DPP6: variants seen among roughly 807,000 people sequenced by gnomAD.
DPP6 encodes the protein A-type potassium channel modulatory protein DPP6.
A neutral mutation model predicts 122.6 loss-of-function variants in DPP6; 69 were observed. That is an observed-to-expected ratio of 0.56 (90% confidence interval 0.46 to 0.69). DPP6 has a LOEUF of 0.69. Ranked by LOEUF, DPP6 falls within the 30% of genes least tolerant of loss-of-function variation. The probability of loss-of-function intolerance (pLI) is 0.00; values close to 1 mark genes in which losing one functional copy is unlikely to be tolerated. For missense variants in DPP6, 928 were observed against 1,116.9 expected, an observed-to-expected ratio of 0.83 and a Z score of 2.41; for synonymous variants, 418 against 433.1, an observed-to-expected ratio of 0.97 and a Z score of 0.43.
At chr7:153,928,686 G>T (rs1801036383) in intron 1 of DPP6, among the ~76,000 whole-genome samples, 1 of 151,956 alleles carries the variant, frequency 6.6e-6, no homozygotes, top group Admixed American at 6.5e-5. Context: ...ATCCTGGAAG[G>T]CCCCACCTTT....
At chr7:154,723,302 C>T (rs1256683362) in intron 7 of DPP6, among the ~76,000 whole-genome samples, 1 of 152,138 alleles carries the variant, frequency 6.6e-6, no homozygotes, top group African/African-American at 2.4e-5. Context: ...AAAATACACT[C>T]TTCTTTATAG....
chr7:154,576,310 G>A (rs1350528748), intron 5 of DPP6, among the ~76,000 whole-genome samples: 3 of 151,970 alleles, frequency 2.0e-5, no homozygotes, highest in African/African-American at 7.3e-5. Context: ...CCGAGGCCAC[G>A]AGACCTGACC....
At chr7:154,475,124 C>T (rs868045813) in intron 3 of DPP6, 87 bp downstream of exon 3, 7 of 990,224 alleles carry the variant, frequency 7.1e-6, no homozygotes, top group South Asian at 3.9e-5. Context: ...ATTTGCCTCT[C>T]GGATTTCCCC....
At chr7:154,012,062 T>G (rs1167001883) in intron 1 of DPP6, among the ~76,000 whole-genome samples, 1 of 152,218 alleles carries the variant, frequency 6.6e-6, no homozygotes, top group South Asian at 2.1e-4. Flanking sequence ...GTAGGTGTTA[T>G]CTCCATTTCA....
chr7:154,214,886 G>A (rs1436274988), intron 1 of DPP6, among the ~76,000 whole-genome samples: 1 of 152,322 alleles, frequency 6.6e-6, no homozygotes, highest in African/African-American at 2.4e-5. Context: ...CTGCTGCACT[G>A]TAGCCTGGGT....
chr7:154,021,594 C>A (rs1389787328), intron 1 of DPP6, among the ~76,000 whole-genome samples: 1 of 152,188 alleles, frequency 6.6e-6, no homozygotes, highest in African/African-American at 2.4e-5. Context: ...CAGTTATCCC[C>A]TGTGTATGTG....
intron 1 of DPP6, among the ~76,000 whole-genome samples, chr7:154,186,255 T>C (rs185668293): frequency 1.1e-4 from 17 of 152,340 alleles, no homozygotes; most frequent in Non-Finnish European, 2.1e-4. Flanking sequence ...ACTCTGACAA[T>C]GTCTTGTTGA....
chr7:154,564,413 A>G (rs1163550316), intron 4 of DPP6, among the ~76,000 whole-genome samples: 2 of 152,376 alleles, frequency 1.3e-5, no homozygotes, highest in East Asian at 1.9e-4. Context: ...TTACATCTAC[A>G]GGAGGGTCAA....
chr7:154,415,345 T>G (rs1338243062), intron 1 of DPP6, among the ~76,000 whole-genome samples: 1 of 152,144 alleles, frequency 6.6e-6, no homozygotes, highest in African/African-American at 2.4e-5. Context: ...ATTAAGAAGG[T>G]AAAATATGCC....
chr7:154,769,143 A>T (rs1796082950), intron 8 of DPP6, among the ~76,000 whole-genome samples: 1 of 152,240 alleles, frequency 6.6e-6, no homozygotes, highest in South Asian at 2.1e-4. Flanking sequence ...GCAAAGAAAA[A>T]AAAAGTGTTT....
chr7:153,926,215 CTA>C (rs1395257307), intron 1 of DPP6, among the ~76,000 whole-genome samples: 1 of 152,208 alleles, frequency 6.6e-6, no homozygotes, highest in Non-Finnish European at 1.5e-5. Flanking sequence ...GTACACCTTT[CTA>C]TCTTTGAGTC....
chr7:154,471,228 G>C (rs779186816), intron 2 of DPP6, among the ~76,000 whole-genome samples: 73 of 152,178 alleles, frequency 4.8e-4, no homozygotes, highest in Admixed American at 2.6e-4. Context: ...TCCCGCCTGG[G>C]TGACAGAGCA....
At chr7:154,572,510 C>CTTTTTTTTT (rs77816407) in intron 5 of DPP6, among the ~76,000 whole-genome samples, 5 of 86,138 alleles carry the variant, frequency 5.8e-5, no homozygotes, top group Non-Finnish European at 6.7e-5. Flanking sequence ...TTTTTCTTTT[C>CTTTTTTTTT]TTTTTTTTTT....
intron 6 of DPP6, among the ~76,000 whole-genome samples, chr7:154,647,483 A>G (rs760217758): frequency 8.5e-5 from 13 of 152,180 alleles, no homozygotes; most frequent in Non-Finnish European, 1.5e-4. Context: ...TAAAGGGGTT[A>G]TAGTATCAAA....
At position 154,893,473 on chromosome 7, in the gene DPP6, A is replaced by AAAAAAG. The variant is rs1563338785; in HGVS notation, c.*998_*999insGAAAAA. The AAAAAAG allele has an allele frequency of 7.0e-6, 1 of 142,172 alleles. No individual in the cohort carries two copies. The highest frequency in any genetic ancestry group is 1.6e-5 in the Non-Finnish European group (1 of 64,226). The allele number at this position is 142,172 out of a possible 1,614,324, so 8.8% of individuals were successfully genotyped here. On this transcript the variant is annotated 3_prime_UTR_variant, in exon 26 of 26. Coordinates refer to ENST00000377770, the MANE Select transcript of DPP6 (RefSeq NM_130797.4). ...GGTTTAAAAAAAAAAAAAAAAAAAA[A>AAAAAAG]AAAAAAACAGAAAAAAGACAAAGCG...
At chr7:154,352,478 T>A (rs943354479) in intron 1 of DPP6, among the ~76,000 whole-genome samples, 1 of 151,802 alleles carries the variant, frequency 6.6e-6, no homozygotes, top group Non-Finnish European at 1.5e-5. Flanking sequence ...AAATAAAAAT[T>A]AAAATAAAAA....
intron 1 of DPP6, among the ~76,000 whole-genome samples, chr7:154,128,690 A>C (rs112498960): frequency 1.3e-5 from 2 of 151,232 alleles, no homozygotes; most frequent in East Asian, 3.9e-4. Context: ...TGCCCAGCCC[A>C]AGACTATTTT....
rs374049079 is a variant in DPP6, at chr7:153,959,115, G to A, written c.51+71381G>A. Among the ~76,000 whole-genome samples the A allele has an allele frequency of 2.4e-4, 37 of 152,062 alleles. No individual in the cohort carries two copies. The South Asian group carries it at 6.9e-3, about 28-fold the overall frequency. ...CCTGGCCTCCTCTCCGTTCCCATCCGATGCTTCTGGTCACTAAGGGAAAGA... is the reference window on the plus strand; with the variant it reads ...CCTGGCCTCCTCTCCGTTCCCATCCAATGCTTCTGGTCACTAAGGGAAAGA... On this transcript the variant is annotated intron_variant, in intron 1 of 25. Coordinates refer to the DPP6 transcript ENST00000404039.
intron 8 of DPP6, among the ~76,000 whole-genome samples, chr7:154,761,872 G>A (rs985675303): frequency 1.3e-5 from 2 of 152,102 alleles, no homozygotes; most frequent in African/African-American, 4.8e-5. Context: ...AGGCCCTGGT[G>A]TGTGATGTTC....
Sources: allele counts gnomAD v4.1 joint callset (sites outside exome capture counted in the v4.1 genomes callset), GRCh38; gene constraint gnomAD v4.1.1; transcripts MANE v1.5; gene names NCBI Gene and HGNC (gene_info 2026-07-23, HGNC 2026-07-21).